GALNT9: variants seen among roughly 807,000 people sequenced by gnomAD.
The protein encoded by GALNT9 is GalNAc transferase 9.
Under a neutral mutation model 63.1 loss-of-function variants are expected in GALNT9, and 47 were observed. The ratio of observed to expected loss-of-function variants is 0.75; its 90% CI spans 0.59 to 0.95. The LOEUF is 0.95. GALNT9 is among the 40% of genes least tolerant of loss of function. The probability of loss-of-function intolerance (pLI) is 0.00; values close to 1 mark genes in which losing one functional copy is unlikely to be tolerated. For missense variants in GALNT9, 829 were observed against 874.8 expected (o/e 0.95, Z 0.66); for synonymous variants, 396 against 365.7 (o/e 1.08, Z -0.94).
chr12:132,303,419 ACAGCC>A lies in GALNT9; in HGVS notation c.239-16994_239-16990del, dbSNP rs1555244081. On this transcript the variant is annotated intron_variant, in intron 1 of 10. Coordinates refer to ENST00000328957, the MANE Select transcript of GALNT9 (RefSeq NM_001122636.2). Reference sequence around the variant, plus strand: ...CGCCCGGGCACACCCTCACCCGGGCACAGCCTCGCCCGGGCACACCCTCGCCCGGG... The same window carrying A: ...CGCCCGGGCACACCCTCACCCGGGCATCGCCCGGGCACACCCTCGCCCGGG... Among the ~76,000 whole-genome samples, 988 of 147,290 alleles carry A rather than the reference ACAGCC, an allele frequency of 6.7e-3. 41 individuals carry two copies. Among genetic ancestry groups the A allele is most frequent in the Admixed American group, 0.017 (251 of 14,580 alleles).
At position 132,265,670 on chromosome 12, in the gene GALNT9, C is replaced by G. The variant is rs148188885; in HGVS notation, c.420-3045G>C. On this transcript the variant is annotated intron_variant, in intron 2 of 10. Coordinates refer to ENST00000328957, the MANE Select transcript of GALNT9 (RefSeq NM_001122636.2). This position sits in a 1 kb window ranked among gnomAD's most constrained non-coding sequence, Gnocchi z 5.3. ...AAGTTCCTGATGCCCGGTACAGGCC[C>G]GGGAAAGACAATGAAGATACCTTAT... Among the ~76,000 whole-genome samples the G allele has an allele frequency of 5.5e-4, 83 of 152,222 alleles. No homozygotes were observed. Among genetic ancestry groups the G allele is most frequent in the African/African-American group, 1.9e-3 (78 of 41,532 alleles).
chr12:132,329,247 C>G lies in GALNT9; in HGVS notation c.-44G>C. On this transcript the variant is annotated 5_prime_UTR_variant, in exon 1 of 11. The change abolishes an upstream ATG in the 5' untranslated region. Coordinates refer to ENST00000328957, the MANE Select transcript of GALNT9 (RefSeq NM_001122636.2). ...GGCCTCACCCGCGGGGCATCCCCAGCATCCCCGCCCGGGCCTGGGCTTCAG... is the reference window on the plus strand; with the variant it reads ...GGCCTCACCCGCGGGGCATCCCCAGGATCCCCGCCCGGGCCTGGGCTTCAG... 1 of 1,522,044 alleles carries G rather than the reference C, an allele frequency of 6.6e-7. No homozygotes were observed. The allele number at this position is 1,522,044 out of a possible 1,614,324, so 94.3% of individuals were successfully genotyped here.
chr12:132,241,458 C>A (rs1878343734), intron 6 of GALNT9, among the ~76,000 whole-genome samples: 6 of 134,650 alleles, frequency 4.5e-5, no homozygotes, highest in Non-Finnish European at 6.3e-5. Flanking sequence ...GGGGCCCTCC[C>A]TATACCCATT....
chr12:132,313,880 G>A (rs114296930), intron 1 of GALNT9, among the ~76,000 whole-genome samples: 8 of 79,494 alleles, frequency 1.0e-4, no homozygotes, highest in Middle Eastern at 0.029. Context: ...CCATCCATCC[G>A]TACATACATA....
At chr12:132,326,374 A>G (rs1185841944) in intron 1 of GALNT9, among the ~76,000 whole-genome samples, 3 of 152,268 alleles carry the variant, frequency 2.0e-5, no homozygotes, top group African/African-American at 7.2e-5. Flanking sequence ...ATGTACACAT[A>G]GGAGTGACTA....
At chr12:132,205,273 G>C (rs1159585667) in intron 6 of GALNT9, 1 of 152,018 alleles carries the variant, frequency 6.6e-6, no homozygotes, top group Non-Finnish European at 1.5e-5. Flanking sequence ...GGGGGAGCAG[G>C]GGGCTCCTCC....
intron 6 of GALNT9, among the ~76,000 whole-genome samples, chr12:132,229,042 G>A (rs1172606232): frequency 2.0e-5 from 3 of 152,200 alleles, no homozygotes; most frequent in African/African-American, 7.2e-5. Flanking sequence ...ACATGGCCAC[G>A]TGGTCCTGGG....
In GALNT9 at chr12:132,261,013, G is replaced by C; in HGVS notation, c.696C>G (p.Gly232=). 1 of 1,550,284 alleles carries C rather than the reference G, an allele frequency of 6.5e-7. No individual in the cohort carries two copies. Among genetic ancestry groups the C allele is most frequent in the Non-Finnish European group, 8.7e-7 (1 of 1,146,676 alleles). The change falls in exon 4 of 11, where the codon GGC becomes GGG. Residue 232 remains glycine (G), a synonymous_variant. Transcript: ENST00000328957. ...REGLIRARLQ[G]WKAATAPVVG... ...CGACTGGGGCGGTGGCCGCCTTCCA[G>C]CCCTGCAGCCGCGCGCGGATCAGTC...
At chr12:132,313,477 CT>C (rs1881891518) in intron 1 of GALNT9, among the ~76,000 whole-genome samples, 1 of 146,116 alleles carries the variant, frequency 6.8e-6, no homozygotes, top group Non-Finnish European at 1.5e-5. Flanking sequence ...ATCCACCCAC[CT>C]AATCCATCCA....
At chr12:132,318,863 C>T (rs1868647906) in intron 1 of GALNT9, among the ~76,000 whole-genome samples, 2 of 152,366 alleles carry the variant, frequency 1.3e-5, no homozygotes, top group African/African-American at 4.8e-5. Context: ...ACTCCTCCCG[C>T]CCTCTGCCAG....
At position 132,245,851 on chromosome 12, in the gene GALNT9, G is replaced by A. The variant is rs538703911; in HGVS notation, c.1077+2059C>T. ...TCCCCTGGGCCCTTCCTGCTGAGGCGACTTGTCTTTCACTGACGGTGGCTC... is the reference window on the plus strand; with the variant it reads ...TCCCCTGGGCCCTTCCTGCTGAGGCAACTTGTCTTTCACTGACGGTGGCTC... On this transcript the variant is annotated intron_variant, in intron 6 of 10. Coordinates refer to ENST00000328957, the MANE Select transcript of GALNT9 (RefSeq NM_001122636.2). The surrounding 1 kb of genome is among the most constrained non-coding windows in gnomAD (Gnocchi z 6.3). Among the ~76,000 whole-genome samples, 4 of 152,310 alleles carry A rather than the reference G, an allele frequency of 2.6e-5. No homozygotes were observed. The South Asian group carries it at 6.2e-4, about 24-fold the overall frequency.
intron 1 of GALNT9, among the ~76,000 whole-genome samples, chr12:132,291,968 C>T (rs1880877493): frequency 6.6e-6 from 1 of 152,184 alleles, no homozygotes; most frequent in African/African-American, 2.4e-5. Flanking sequence ...CCTCGTGGGT[C>T]GCATCCTCAC....
chr12:132,324,217 C>T (rs892409535), intron 1 of GALNT9, among the ~76,000 whole-genome samples: 19 of 152,214 alleles, frequency 1.2e-4, no homozygotes, highest in Non-Finnish European at 2.9e-5. Context: ...TGACACCCTC[C>T]GGAGCTCTCG....
chr12:132,314,173 CCAT>C (rs1334417575), intron 1 of GALNT9, among the ~76,000 whole-genome samples: 1 of 141,198 alleles, frequency 7.1e-6, no homozygotes, highest in East Asian at 2.1e-4. Context: ...CACCTACCCA[CCAT>C]CATCCATTTA....
chr12:132,219,451 G>T (rs867964584), intron 6 of GALNT9, among the ~76,000 whole-genome samples: 37 of 152,228 alleles, frequency 2.4e-4, no homozygotes, highest in African/African-American at 8.7e-4. Context: ...TGAGGCTCTG[G>T]GGACCATCGG....
intron 6 of GALNT9, among the ~76,000 whole-genome samples, chr12:132,208,300 C>T (rs973308992): frequency 1.3e-5 from 2 of 152,254 alleles, no homozygotes; most frequent in African/African-American, 4.8e-5. Flanking sequence ...GGCCCCTCCC[C>T]TTCCTGGCCA....
intron 6 of GALNT9, chr12:132,240,662 GC>G (rs201824863): frequency 0.069 from 31,545 of 455,546 alleles, 1,346 homozygotes; most frequent in Middle Eastern, 0.091. Flanking sequence ...TTCACTCTCT[GC>G]CGTGTTTTTC....
At chr12:132,302,216 T>C (rs1214435497) in intron 1 of GALNT9, among the ~76,000 whole-genome samples, 3 of 129,420 alleles carry the variant, frequency 2.3e-5, no homozygotes, top group Non-Finnish European at 4.9e-5. Flanking sequence ...TAAATGCTTT[T>C]GGTAGAAAAT....
At chr12:132,302,505 T>G (rs1881337052) in intron 1 of GALNT9, among the ~76,000 whole-genome samples, 1 of 152,238 alleles carries the variant, frequency 6.6e-6, no homozygotes, top group African/African-American at 2.4e-5. Flanking sequence ...CCGTGCCATT[T>G]ATTCACCCAT....
Sources: gnomAD v4.1 joint callset for allele counts (sites outside exome capture counted in the v4.1 genomes callset) on GRCh38, gnomAD v4.1.1 for gene constraint, Gnocchi (gnomAD v3.1) non-coding constraint, MANE v1.5 for transcripts, NCBI Gene and HGNC (gene_info 2026-07-23, HGNC 2026-07-21) for gene names.